The following PLA2G15 variants were observed in gnomAD, a reference collection of about 807,000 sequenced individuals.
PLA2G15 encodes the protein phospholipase A2 group XV.
In PLA2G15, 20 loss-of-function variants were observed where a neutral mutation model predicts 40.9. The observed-to-expected ratio is 0.49, with a 90% confidence interval of 0.34 to 0.71. The LOEUF (loss-of-function observed/expected upper bound fraction) is 0.71, where lower values mean the gene tolerates loss of function less well. Among genes scored for constraint, PLA2G15 ranks in the 30% least tolerant of loss-of-function variants. PLA2G15 has a pLI of 0.01. For missense variants in PLA2G15, 471 were observed against 541.9 expected (o/e 0.87, Z 1.30); for synonymous variants, 223 against 228.2 (o/e 0.98, Z 0.21).
chr16:68,250,196 T>TTTTTG, intron 2 of PLA2G15: 2 of 223,670 alleles, frequency 8.9e-6, no homozygotes, highest in Non-Finnish European at 1.8e-5. Context: ...TTTTTTTTTT[T>TTTTTG]GGAGACGGAG....
At chr16:68,246,647 G>T (rs927828243) in intron 1 of PLA2G15, among the ~76,000 whole-genome samples, 1 of 152,174 alleles carries the variant, frequency 6.6e-6, no homozygotes, top group African/African-American at 2.4e-5. Flanking sequence ...CCCAAAGCTT[G>T]CAGGATAGGA....
Position 68,255,676 on chromosome 16 carries a change from C to A in PLA2G15, c.503-90C>A, listed in dbSNP as rs146570398. On this transcript the variant is annotated intron_variant, in intron 4 of 5. Transcript: ENST00000219345. The surrounding 1 kb of genome is among the most constrained non-coding windows in gnomAD (Gnocchi z 5.9). ...TTGAATGTGAGCACCCTCCCCTCCC[C>A]CTCTCGTCTTGTGTCTGGCCTGAGA... The A allele has an allele frequency of 1.4e-5, 15 of 1,067,214 alleles. No individual in the cohort carries two copies. The highest frequency in any genetic ancestry group is 2.0e-5 in the Non-Finnish European group (14 of 692,786). 66.1% of individuals were successfully genotyped at this position (1,067,214 alleles called of 1,614,324 possible). A position where few individuals can be genotyped will look rare whatever the true frequency, so the allele number is the denominator to read the frequency against.
chr16:68,256,699 G>A (rs1306674021), intron 5 of PLA2G15, among the ~76,000 whole-genome samples: 2 of 151,778 alleles, frequency 1.3e-5, no homozygotes, highest in Non-Finnish European at 2.9e-5. Flanking sequence ...TAGTAGAGAT[G>A]AGGTTTCATC....
At chr16:68,247,556 C>G (rs2042319449) in intron 1 of PLA2G15, among the ~76,000 whole-genome samples, 1 of 152,178 alleles carries the variant, frequency 6.6e-6, no homozygotes, top group Admixed American at 6.5e-5. Flanking sequence ...CCTCTTTTAC[C>G]ATTTCCCCTT....
At chr16:68,245,966 C>T (rs2042305541) in intron 1 of PLA2G15, among the ~76,000 whole-genome samples, 1 of 152,164 alleles carries the variant, frequency 6.6e-6, no homozygotes, top group Admixed American at 6.5e-5. Context: ...GGCTGTCACC[C>T]TCGACCCCTC....
intron 1 of PLA2G15, chr16:68,248,671 G>C: frequency 1.0e-6 from 1 of 965,586 alleles, no homozygotes; most frequent in Non-Finnish European, 1.2e-6. Context: ...ACAGGCATGA[G>C]CCCCTGCGCC....
In PLA2G15 at chr16:68,259,067, G is replaced by T. The variant is rs956667734; in HGVS notation, c.728-79G>T. 1.6e-6 allele frequency: 2 copies of T among 1,279,780 alleles called. No homozygotes were observed. Among genetic ancestry groups the T allele is most frequent in the African/African-American group, 3.0e-5 (2 of 67,530 alleles). 79.3% of individuals were successfully genotyped at this position (1,279,780 alleles called of 1,614,324 possible). A position where few individuals can be genotyped will look rare whatever the true frequency, so the allele number is the denominator to read the frequency against. On this transcript the variant is annotated intron_variant, in intron 5 of 5. Transcript: ENST00000219345. The surrounding 1 kb of genome is among the most constrained non-coding windows in gnomAD (Gnocchi z 6.5). The stretch of plus-strand genomic sequence containing the variant: ...GGACTGGGCCCCTGGCTGGGGTCTG[G>T]CAGGGGCCTGGTGGTGAACATGCTG...
chr16:68,256,610 T>C (rs2042403966), intron 5 of PLA2G15, among the ~76,000 whole-genome samples: 1 of 151,862 alleles, frequency 6.6e-6, no homozygotes, highest in South Asian at 2.1e-4. Flanking sequence ...GCCTCCCGGG[T>C]TCAAGCGATT....
chr16:68,257,180 C>T (rs958883484), intron 5 of PLA2G15, among the ~76,000 whole-genome samples: 5 of 152,090 alleles, frequency 3.3e-5, no homozygotes, highest in African/African-American at 1.2e-4. Flanking sequence ...AACCACCGCA[C>T]CCGGCCAGAT....
intron 2 of PLA2G15, among the ~76,000 whole-genome samples, chr16:68,250,851 T>G (rs73612297): frequency 0.21 from 31,969 of 152,094 alleles, 3,777 homozygotes; most frequent in African/African-American, 0.31. Context: ...CAGCCTGGGT[T>G]GCAGAGCAAG....
chr16:68,256,813 C>T (rs1567574271), intron 5 of PLA2G15, among the ~76,000 whole-genome samples: 1 of 150,956 alleles, frequency 6.6e-6, no homozygotes, highest in East Asian at 2.0e-4. Context: ...CCTGGCCATC[C>T]CTCCCTCTTA....
intron 5 of PLA2G15, among the ~76,000 whole-genome samples, chr16:68,257,095 A>C (rs1461716668): frequency 6.6e-6 from 1 of 150,998 alleles, no homozygotes; most frequent in Non-Finnish European, 1.5e-5. Context: ...TGGCCGGGCT[A>C]GTCTCTAACT....
At chr16:68,250,315 A>G (rs1312789080) in intron 2 of PLA2G15, 4 of 343,352 alleles carry the variant, frequency 1.2e-5, no homozygotes, top group Middle Eastern at 1.0e-3. Flanking sequence ...TCTGTCGCCC[A>G]GGCTGGGTGC....
chr16:68,256,115 A>T (rs1397878487), intron 5 of PLA2G15, 125 bp downstream of exon 5: 3 of 615,244 alleles, frequency 4.9e-6, no homozygotes, highest in African/African-American at 1.9e-5. Context: ...GGTCTATGCA[A>T]ATCTACCCCT....
chr16:68,259,767 G>C lies in PLA2G15; in HGVS notation c.*110G>C, dbSNP rs987409593. 1 of 996,138 alleles carries C rather than the reference G, an allele frequency of 1.0e-6. No homozygotes were observed. Among genetic ancestry groups the C allele is most frequent in the Non-Finnish European group, 1.5e-6 (1 of 676,198 alleles). 61.7% of individuals were successfully genotyped at this position (996,138 alleles called of 1,614,324 possible). On this transcript the variant is annotated 3_prime_UTR_variant, in exon 6 of 6. Transcript: ENST00000219345. The surrounding 1 kb of genome is among the most constrained non-coding windows in gnomAD (Gnocchi z 6.5). ...TTTGTGACTCACCATTCAAGGCCCCGAGTCTTGGACTGTGAAGCATCTGCC... is the reference window on the plus strand; with the variant it reads ...TTTGTGACTCACCATTCAAGGCCCCCAGTCTTGGACTGTGAAGCATCTGCC...
At chr16:68,246,876 T>G (rs1297377660) in intron 1 of PLA2G15, among the ~76,000 whole-genome samples, 1 of 151,918 alleles carries the variant, frequency 6.6e-6, no homozygotes, top group Non-Finnish European at 1.5e-5. Flanking sequence ...ACTGGTTGGG[T>G]CATCTGAACT....
intron 2 of PLA2G15, chr16:68,252,452 C>T (rs2042362813): frequency 1.4e-5 from 6 of 413,958 alleles, no homozygotes; most frequent in South Asian, 1.0e-4. Context: ...AGGCTTTTCT[C>T]CTGGTATAAG....
chr16:68,249,869 G>T (rs1384257506), intron 2 of PLA2G15, among the ~76,000 whole-genome samples: 2 of 151,922 alleles, frequency 1.3e-5, no homozygotes, highest in Non-Finnish European at 2.9e-5. Flanking sequence ...TAGTGGAGAT[G>T]GTGTTTCACC....
In PLA2G15 at chr16:68,255,084, T is replaced by A; in HGVS notation, c.403+47T>A. 1 of 1,299,764 alleles carries A rather than the reference T, an allele frequency of 7.7e-7. No individual in the cohort carries two copies. Among genetic ancestry groups the A allele is most frequent in the Non-Finnish European group, 1.1e-6 (1 of 895,014 alleles). 80.5% of individuals were successfully genotyped at this position (1,299,764 alleles called of 1,614,324 possible). On this transcript the variant is annotated intron_variant, in intron 3 of 5. Coordinates refer to ENST00000219345, the MANE Select transcript of PLA2G15 (RefSeq NM_012320.4). The surrounding 1 kb of genome is among the most constrained non-coding windows in gnomAD (Gnocchi z 5.9). Reference sequence around the variant, plus strand: ...CCTCCGGGAGCTGGGATGGGGTTTCTGCCGGACTGGAGCTGGAGCTGGAGG... The same window carrying A: ...CCTCCGGGAGCTGGGATGGGGTTTCAGCCGGACTGGAGCTGGAGCTGGAGG...
Sources: gnomAD v4.1 joint callset for allele counts (sites outside exome capture counted in the v4.1 genomes callset) on GRCh38, gnomAD v4.1.1 for gene constraint, Gnocchi (gnomAD v3.1) non-coding constraint, MANE v1.5 for transcripts, NCBI Gene and HGNC (gene_info 2026-07-23, HGNC 2026-07-21) for gene names.